The following PTPRD variants were observed in gnomAD, a reference collection of about 807,000 sequenced individuals.
PTPRD encodes the protein receptor-type tyrosine-protein phosphatase delta.
PTPRD carries 34 observed loss-of-function variants against 214.5 expected under a neutral mutation model. The observed-to-expected ratio is 0.16, with a 90% confidence interval of 0.12 to 0.21. The LOEUF is 0.21. PTPRD is among the 10% of genes least tolerant of loss of function. The probability of loss-of-function intolerance (pLI) is 1.00; values close to 1 mark genes in which losing one functional copy is unlikely to be tolerated. For missense variants in PTPRD, 2,545 were observed against 2,398.7 expected (o/e 1.06, Z -1.27); for synonymous variants, 1,128 against 845.7 (o/e 1.33, Z -5.79).
At chr9:9,223,756 G>T (rs1218747854) in intron 9 of PTPRD, among the ~76,000 whole-genome samples, 1 of 151,842 alleles carries the variant, frequency 6.6e-6, no homozygotes, top group Non-Finnish European at 1.5e-5. Context: ...AAATGCACGT[G>T]GTTTAATTAT....
intron 10 of PTPRD, among the ~76,000 whole-genome samples, chr9:9,111,099 G>C (rs1191399796): frequency 6.6e-6 from 1 of 151,396 alleles, no homozygotes; most frequent in African/African-American, 2.4e-5. Context: ...GAGCTATCTA[G>C]TTATCTAGGT....
At chr9:10,318,844 A>C (rs141327457) in intron 3 of PTPRD, among the ~76,000 whole-genome samples, 1 of 152,192 alleles carries the variant, frequency 6.6e-6, no homozygotes, top group Non-Finnish European at 1.5e-5. Context: ...GGTATTATGT[A>C]GTAGCAGAGA....
chr9:10,000,138 C>T (rs1262365403), intron 4 of PTPRD, among the ~76,000 whole-genome samples: 1 of 152,088 alleles, frequency 6.6e-6, no homozygotes, highest in Non-Finnish European at 1.5e-5. Flanking sequence ...AATGGCAAGT[C>T]AAGGGGGAAA....
At chr9:10,611,703 C>G (rs186544290) in intron 2 of PTPRD, among the ~76,000 whole-genome samples, 6 of 152,250 alleles carry the variant, frequency 3.9e-5, no homozygotes, top group Admixed American at 3.3e-4. Flanking sequence ...GTTTATAACC[C>G]GCTGTGTCAA....
chr9:8,389,823 C>T (rs1034586835), intron 36 of PTPRD, among the ~76,000 whole-genome samples: 4 of 152,042 alleles, frequency 2.6e-5, no homozygotes, highest in African/African-American at 7.2e-5. Context: ...GAGTGGAACA[C>T]ACCATAATAA....
intron 2 of PTPRD, among the ~76,000 whole-genome samples, chr9:10,343,123 C>G (rs571676819): frequency 1.4e-4 from 22 of 152,110 alleles, no homozygotes; most frequent in African/African-American, 5.1e-4. Flanking sequence ...GCTATCCCTC[C>G]CCCAGCCCCC....
At chr9:9,942,906 T>C (rs1395403612) in intron 4 of PTPRD, among the ~76,000 whole-genome samples, 3 of 151,924 alleles carry the variant, frequency 2.0e-5, no homozygotes, top group Admixed American at 1.3e-4. Flanking sequence ...TTTTTTTTTT[T>C]TTTTAAAGCT....
chr9:9,156,964 C>T (rs932688699), intron 10 of PTPRD, among the ~76,000 whole-genome samples: 1 of 152,210 alleles, frequency 6.6e-6, no homozygotes, highest in African/African-American at 2.4e-5. Flanking sequence ...TCCACACTCT[C>T]ATTCTCTGCT....
chr9:9,782,468 G>C (rs920896907), intron 5 of PTPRD, among the ~76,000 whole-genome samples: 1 of 151,986 alleles, frequency 6.6e-6, no homozygotes, highest in African/African-American at 2.4e-5. Flanking sequence ...GACTAATTGA[G>C]GTATGTTACC....
intron 31 of PTPRD, among the ~76,000 whole-genome samples, chr9:8,470,195 A>T (rs1259171813): frequency 6.6e-6 from 1 of 152,132 alleles, no homozygotes; most frequent in Non-Finnish European, 1.5e-5. Context: ...GTATTTTAAA[A>T]TGTGAATTCT....
intron 11 of PTPRD, among the ~76,000 whole-genome samples, chr9:8,981,971 A>T (rs1423320296): frequency 6.6e-6 from 1 of 152,040 alleles, no homozygotes; most frequent in Non-Finnish European, 1.5e-5. Context: ...CCAGAGCAAA[A>T]GGTAGATCAC....
At chr9:9,835,943 C>T (rs2056620841) in intron 5 of PTPRD, among the ~76,000 whole-genome samples, 1 of 152,114 alleles carries the variant, frequency 6.6e-6, no homozygotes, top group Admixed American at 6.6e-5. Flanking sequence ...TATTCTACCA[C>T]TAGATGGAAA....
At chr9:9,432,623 C>A (rs920579246) in intron 8 of PTPRD, among the ~76,000 whole-genome samples, 7 of 152,142 alleles carry the variant, frequency 4.6e-5, no homozygotes, top group Non-Finnish European at 1.0e-4. Flanking sequence ...AGTGCAGACC[C>A]ATGCCTCTGC....
chr9:9,081,128 A>AT (rs1224598446), intron 10 of PTPRD, among the ~76,000 whole-genome samples: 1 of 152,060 alleles, frequency 6.6e-6, no homozygotes, highest in Non-Finnish European at 1.5e-5. Flanking sequence ...TCCTGTGGGC[A>AT]TTTAGTGCTA....
At chr9:9,321,979 C>T (rs565760290) in intron 9 of PTPRD, among the ~76,000 whole-genome samples, 1 of 152,276 alleles carries the variant, frequency 6.6e-6, no homozygotes, top group South Asian at 2.1e-4. Context: ...ATTGGCAAGG[C>T]ACTCTGGTAA....
chr9:9,378,192 T>G (rs768224488), intron 9 of PTPRD, among the ~76,000 whole-genome samples: 2 of 152,112 alleles, frequency 1.3e-5, no homozygotes, highest in African/African-American at 2.4e-5. Flanking sequence ...CCCCACCTAA[T>G]CCACACTGCA....
intron 39 of PTPRD, among the ~76,000 whole-genome samples, chr9:8,358,878 C>T (rs993637998): frequency 5.9e-5 from 9 of 151,430 alleles, no homozygotes; most frequent in African/African-American, 7.3e-5. Flanking sequence ...GAGGCCGAGG[C>T]GGGCGGATCA....
At chr9:8,730,409 G>C (rs1211956058) in intron 12 of PTPRD, among the ~76,000 whole-genome samples, 4 of 152,086 alleles carry the variant, frequency 2.6e-5, no homozygotes, top group Admixed American at 2.6e-4. Context: ...AACCATCTGA[G>C]GAATTAAATT....
chr9:9,325,559 C>T (rs1478159639), intron 9 of PTPRD, among the ~76,000 whole-genome samples: 1 of 152,116 alleles, frequency 6.6e-6, no homozygotes, highest in Non-Finnish European at 1.5e-5. Flanking sequence ...TGAGACTTTG[C>T]TGAAGTTGCC....
Sources: allele counts gnomAD v4.1 joint callset (sites outside exome capture counted in the v4.1 genomes callset), GRCh38; gene constraint gnomAD v4.1.1; transcripts MANE v1.5; gene names NCBI Gene and HGNC (gene_info 2026-07-23, HGNC 2026-07-21).